The following XKR4 variants were observed in gnomAD, a reference collection of about 807,000 sequenced individuals.
XKR4 encodes the protein XK-related protein 4.
In XKR4, 12 loss-of-function variants were observed where a neutral mutation model predicts 53.9. The ratio of observed to expected loss-of-function variants is 0.22; its 90% CI spans 0.14 to 0.36. XKR4 has a LOEUF of 0.36. Ranked by LOEUF, XKR4 falls within the 10% of genes least tolerant of loss-of-function variation. The pLI is 1.00. For synonymous variants in XKR4, 354 were observed against 362.4 expected, an observed-to-expected ratio of 0.98 and a Z score of 0.26; for missense variants, 799 against 859.5, an observed-to-expected ratio of 0.93 and a Z score of 0.88.
chr8:55,296,180 C>T (rs1187413723), intron 1 of XKR4, among the ~76,000 whole-genome samples: 1 of 152,072 alleles, frequency 6.6e-6, no homozygotes, highest in Non-Finnish European at 1.5e-5. Context: ...CAGCAACATA[C>T]CAGGAATCCA....
chr8:55,278,079 A>T lies in XKR4; in HGVS notation c.807-79599A>T, dbSNP rs552068353. Among the ~76,000 whole-genome samples, 3 of 152,298 alleles carry T rather than the reference A, an allele frequency of 2.0e-5. No homozygotes were observed. In the East Asian group the frequency reaches 5.8e-4, roughly 29 times the overall value. ...GTCAGGTGCAATGGCTTACATCTAT[A>T]ATCCCAGCACTTTGGGAGGGTGAGG... is the stretch of plus-strand genomic sequence containing the variant. On this transcript the variant is annotated intron_variant, in intron 1 of 2. Transcript: ENST00000327381.
chr8:55,505,209 CTTTGCTGCATCTATTAGTT>C (rs1267811175), intron 2 of XKR4, among the ~76,000 whole-genome samples: 4 of 152,058 alleles, frequency 2.6e-5, no homozygotes, highest in Non-Finnish European at 5.9e-5. Flanking sequence ...CTTAGCATTG[CTTTGCTGCATCTATTAGTT>C]TTTGCTGCAT....
chr8:55,198,249 A>G (rs570104417), intron 1 of XKR4, among the ~76,000 whole-genome samples: 23 of 152,330 alleles, frequency 1.5e-4, no homozygotes, highest in African/African-American at 5.5e-4. Context: ...GGATTTTATC[A>G]AAGTAATGAC....
chr8:55,167,753 G>A (rs1817089730), intron 1 of XKR4, among the ~76,000 whole-genome samples: 1 of 152,184 alleles, frequency 6.6e-6, no homozygotes, highest in African/African-American at 2.4e-5. Flanking sequence ...ACAAATGGAT[G>A]TAATCCCCAA....
intron 2 of XKR4, among the ~76,000 whole-genome samples, chr8:55,413,349 C>CT (rs1804801916): frequency 6.6e-6 from 1 of 152,180 alleles, no homozygotes; most frequent in Non-Finnish European, 1.5e-5. Context: ...CTTCAGCCCT[C>CT]TGAGTAGCTG....
intron 1 of XKR4, among the ~76,000 whole-genome samples, chr8:55,186,324 A>G (rs778638316): frequency 2.6e-5 from 4 of 152,218 alleles, no homozygotes; most frequent in Admixed American, 6.5e-5. Flanking sequence ...AAAGATGACC[A>G]TATCAGTAAA....
intron 2 of XKR4, among the ~76,000 whole-genome samples, chr8:55,504,895 G>A (rs143540675): frequency 2.2e-4 from 33 of 151,950 alleles, no homozygotes; most frequent in African/African-American, 7.2e-4. Flanking sequence ...TGTAAAATTC[G>A]TAGTGATGTC....
At chr8:55,438,435 C>G (rs749557964) in intron 2 of XKR4, among the ~76,000 whole-genome samples, 1 of 151,126 alleles carries the variant, frequency 6.6e-6, no homozygotes, top group Non-Finnish European at 1.5e-5. Flanking sequence ...AAAAAAAATA[C>G]AAAAATGAGC....
chr8:55,459,802 A>G (rs772073114), intron 2 of XKR4, among the ~76,000 whole-genome samples: 3 of 152,086 alleles, frequency 2.0e-5, no homozygotes, highest in Non-Finnish European at 4.4e-5. Flanking sequence ...AGAAACTAGA[A>G]CTCTTAGCCA....
At chr8:55,431,714 A>G (rs1805107979) in intron 2 of XKR4, among the ~76,000 whole-genome samples, 3 of 152,232 alleles carry the variant, frequency 2.0e-5, no homozygotes, top group African/African-American at 7.2e-5. Context: ...TTCAGTTCCT[A>G]GCATAAATAC....
chr8:55,378,497 C>T (rs1804182459), intron 2 of XKR4, among the ~76,000 whole-genome samples: 2 of 152,096 alleles, frequency 1.3e-5, no homozygotes, highest in South Asian at 4.1e-4. Context: ...AGGTAGCTTG[C>T]TATGGAGAAA....
intron 2 of XKR4, among the ~76,000 whole-genome samples, chr8:55,476,540 G>A (rs1031621339): frequency 7.5e-6 from 1 of 133,888 alleles, no homozygotes; most frequent in Non-Finnish European, 1.6e-5. Flanking sequence ...CATCTCACTA[G>A]GGAGTGCCAG....
chr8:55,286,974 C>T (rs1251665351), intron 1 of XKR4, among the ~76,000 whole-genome samples: 1 of 151,826 alleles, frequency 6.6e-6, no homozygotes, highest in African/African-American at 2.4e-5. Context: ...CTAGTTATTC[C>T]ATACCTGTAA....
chr8:55,452,517 G>A, intron 2 of XKR4: 7 of 656,464 alleles, frequency 1.1e-5, no homozygotes, highest in Non-Finnish European at 1.7e-5. Flanking sequence ...CTCCTCACCA[G>A]ACAGCAGGTG....
At chr8:55,216,676 G>A (rs1271756194) in intron 1 of XKR4, among the ~76,000 whole-genome samples, 1 of 148,508 alleles carries the variant, frequency 6.7e-6, no homozygotes, top group Admixed American at 6.8e-5. Flanking sequence ...GCAGTGAGCT[G>A]AGATTGTACC....
At chr8:55,460,011 G>A (rs200944976) in intron 2 of XKR4, among the ~76,000 whole-genome samples, 43 of 134,014 alleles carry the variant, frequency 3.2e-4, no homozygotes, top group East Asian at 8.6e-4. Context: ...GCCAAATGCT[G>A]AAAAAAAAAA....
intron 2 of XKR4, among the ~76,000 whole-genome samples, chr8:55,495,248 G>C (rs973971389): frequency 2.0e-5 from 3 of 152,216 alleles, no homozygotes; most frequent in Non-Finnish European, 2.9e-5. Flanking sequence ...CAGGCAGTGA[G>C]AGCAGGTGCT....
intron 2 of XKR4, among the ~76,000 whole-genome samples, chr8:55,386,070 C>T (rs1804309055): frequency 6.6e-6 from 1 of 152,180 alleles, no homozygotes; most frequent in Non-Finnish European, 1.5e-5. Context: ...ATGGAATACA[C>T]CTGTGCCTAA....
intron 2 of XKR4, among the ~76,000 whole-genome samples, chr8:55,376,954 T>TCACACACACACTCACACACA (rs1804160891): frequency 6.9e-6 from 1 of 145,424 alleles, no homozygotes; most frequent in African/African-American, 2.6e-5. Context: ...AAACACACAC[T>TCACACACACACTCACACACA]CACACACACA....
Sources: allele counts gnomAD v4.1 joint callset (sites outside exome capture counted in the v4.1 genomes callset), GRCh38; gene constraint gnomAD v4.1.1; transcripts MANE v1.5; gene names NCBI Gene and HGNC (gene_info 2026-07-23, HGNC 2026-07-21).